The following TIAM1 variants were observed in gnomAD, a reference collection of about 807,000 sequenced individuals.
TIAM1 encodes rho guanine nucleotide exchange factor TIAM1.
TIAM1 carries 65 observed loss-of-function variants against 163.5 expected under a neutral mutation model. The observed-to-expected ratio is 0.40, with a 90% CI of 0.33 to 0.49. The LOEUF is 0.49. TIAM1 is among the 20% of genes least tolerant of loss of function. The pLI is 0.77. For synonymous variants in TIAM1, 833 were observed against 810.1 expected (o/e 1.03, Z -0.48); for missense variants, 1,789 against 2,044.7 (o/e 0.87, Z 2.41).
In TIAM1 at chr21:31,143,954, G is replaced by A. The variant is rs537605451; in HGVS notation, c.3476-2450C>T. Among the ~76,000 whole-genome samples the A allele has an allele frequency of 8.8e-4, 134 of 151,848 alleles. 4 individuals carry two copies. Among genetic ancestry groups the A allele is most frequent in the South Asian group, 4.2e-3 (20 of 4,808 alleles). ...TCACCATGTTGGTCAGGTTGGTCTC[G>A]AACTCCTGACCTCAAACGATCTGCC... On this transcript the variant is annotated intron_variant, in intron 20 of 27. Transcript: ENST00000541036.
At chr21:31,310,764 CTT>C (rs1263362506) in intron 2 of TIAM1, among the ~76,000 whole-genome samples, 2 of 152,142 alleles carry the variant, frequency 1.3e-5, no homozygotes, top group East Asian at 1.9e-4. Flanking sequence ...GAAAAGTGCT[CTT>C]GTTAGCGTAG....
intron 2 of TIAM1, among the ~76,000 whole-genome samples, chr21:31,372,806 G>A (rs532384327): frequency 2.3e-4 from 35 of 152,060 alleles, no homozygotes; most frequent in African/African-American, 7.7e-4. Context: ...CTGTAATCCC[G>A]GCACTTTGGG....
At chr21:31,227,475 T>A (rs1409037242) in intron 6 of TIAM1, among the ~76,000 whole-genome samples, 4 of 152,320 alleles carry the variant, frequency 2.6e-5, no homozygotes, top group African/African-American at 9.6e-5. Flanking sequence ...AGTTGTTATG[T>A]GGATAACAAA....
chr21:31,235,875 T>C (rs528864972), intron 6 of TIAM1, among the ~76,000 whole-genome samples: 10 of 152,326 alleles, frequency 6.6e-5, no homozygotes, highest in Admixed American at 5.9e-4. Flanking sequence ...AAAATCTAGC[T>C]GATTTCCAGC....
chr21:31,312,072 C>A (rs935363898), intron 2 of TIAM1, among the ~76,000 whole-genome samples: 3 of 152,198 alleles, frequency 2.0e-5, no homozygotes, highest in Non-Finnish European at 4.4e-5. Context: ...CTTGGGCCTT[C>A]GGCCACAGAC....
chr21:31,519,242 T>G (rs992677433), intron 1 of TIAM1, among the ~76,000 whole-genome samples: 2 of 147,870 alleles, frequency 1.4e-5, no homozygotes, highest in South Asian at 2.1e-4. Flanking sequence ...GAGGCGGAGG[T>G]TGCGGTGAGC....
At chr21:31,447,831 A>G (rs1410827692) in intron 2 of TIAM1, among the ~76,000 whole-genome samples, 1 of 152,222 alleles carries the variant, frequency 6.6e-6, no homozygotes, top group Non-Finnish European at 1.5e-5. Flanking sequence ...GAGATTTATT[A>G]TAAGGAATTG....
chr21:31,177,723 T>C (rs983783578), intron 15 of TIAM1, among the ~76,000 whole-genome samples: 3 of 152,228 alleles, frequency 2.0e-5, no homozygotes, highest in South Asian at 2.1e-4. Context: ...AACCTCTCTA[T>C]GAGAAAGCAG....
intron 12 of TIAM1, among the ~76,000 whole-genome samples, chr21:31,197,488 G>A (rs1378444674): frequency 2.0e-5 from 3 of 148,474 alleles, no homozygotes; most frequent in Admixed American, 6.8e-5. Context: ...CCATTGTCCT[G>A]CCTCAGCCTA....
intron 2 of TIAM1, among the ~76,000 whole-genome samples, chr21:31,321,238 G>A (rs1160102035): frequency 6.6e-6 from 1 of 152,144 alleles, no homozygotes; most frequent in African/African-American, 2.4e-5. Context: ...ATTCAGCATC[G>A]GCAGGCCTGC....
intron 2 of TIAM1, among the ~76,000 whole-genome samples, chr21:31,427,137 C>G (rs2043821114): frequency 6.6e-6 from 1 of 152,100 alleles, no homozygotes; most frequent in Non-Finnish European, 1.5e-5. Flanking sequence ...CCAGGTTGGA[C>G]AAATTCCTGG....
Position 31,468,498 on chromosome 21 carries a change from C to T in TIAM1, c.-421-4463G>A, listed in dbSNP as rs370605561. Among the ~76,000 whole-genome samples, 17 of 150,880 alleles carry T rather than the reference C, an allele frequency of 1.1e-4. 1 individual carries two copies. In the East Asian group the frequency reaches 2.6e-3, roughly 23 times the overall value. The stretch of plus-strand genomic sequence containing the variant: ...ACTACCTCTCAAAAAAAAAAAAGAC[C>T]GGGCACGGTGACTCAGGGCTGTAAT... On this transcript the variant is annotated intron_variant, in intron 1 of 28. Coordinates refer to the TIAM1 transcript ENST00000286827.
At chr21:31,362,915 AT>A (rs1478149012) in intron 2 of TIAM1, among the ~76,000 whole-genome samples, 8 of 151,632 alleles carry the variant, frequency 5.3e-5, no homozygotes, top group Non-Finnish European at 1.0e-4. Context: ...TCTGATGGGT[AT>A]TTTTTTTGCA....
chr21:31,405,730 G>A (rs570434498), intron 2 of TIAM1, among the ~76,000 whole-genome samples: 3 of 152,100 alleles, frequency 2.0e-5, no homozygotes, highest in Non-Finnish European at 2.9e-5. Flanking sequence ...GGAAAGCCCC[G>A]CCCCCATGAT....
At chr21:31,344,497 G>A (rs552063609), upstream of TIAM1, among the ~76,000 whole-genome samples, 1 of 152,246 alleles carries the variant, frequency 6.6e-6, no homozygotes, top group African/African-American at 2.4e-5. Context: ...TGGTCACCCT[G>A]CACAAAGCGT....
At chr21:31,121,463 G>A (rs1180211762) in intron 27 of TIAM1, among the ~76,000 whole-genome samples, 2 of 152,150 alleles carry the variant, frequency 1.3e-5, no homozygotes, top group South Asian at 2.1e-4. Context: ...AGGGCACCAC[G>A]TCACTCTTAG....
intron 20 of TIAM1, among the ~76,000 whole-genome samples, chr21:31,143,532 ATAT>A (rs954502549): frequency 6.6e-6 from 1 of 151,688 alleles, no homozygotes; most frequent in African/African-American, 2.4e-5. Context: ...TTAATGATAT[ATAT>A]TTTTTATTAG....
intron 2 of TIAM1, among the ~76,000 whole-genome samples, chr21:31,453,688 CAGTAAAT>C (rs769684109): frequency 0.069 from 9,931 of 144,930 alleles, 481 homozygotes; most frequent in African/African-American, 0.083. Flanking sequence ...ACTCCATCTC[CAGTAAAT>C]AAATAAATAA....
chr21:31,329,028 G>A (rs2075588601), intron 2 of TIAM1, among the ~76,000 whole-genome samples: 1 of 152,116 alleles, frequency 6.6e-6, no homozygotes, highest in African/African-American at 2.4e-5. Flanking sequence ...TAGGTATCCG[G>A]AGATGATTTC....
Sources: gnomAD v4.1 joint callset for allele counts (sites outside exome capture counted in the v4.1 genomes callset) on GRCh38, gnomAD v4.1.1 for gene constraint, MANE v1.5 for transcripts, NCBI Gene and HGNC (gene_info 2026-07-23, HGNC 2026-07-21) for gene names.